The following DTNB variants were observed in gnomAD, a reference collection of about 807,000 sequenced individuals.
The protein encoded by DTNB is dystrobrevin beta.
A neutral mutation model predicts 90.7 loss-of-function variants in DTNB; 63 were observed. That is an observed-to-expected ratio of 0.69 (90% CI 0.57 to 0.86). The LOEUF (loss-of-function observed/expected upper bound fraction) is 0.86, where lower values mean the gene tolerates loss of function less well. Ranked by LOEUF, DTNB falls within the 40% of genes least tolerant of loss-of-function variation. The pLI, the probability that DTNB is intolerant of heterozygous loss-of-function variation, is 0.00. For synonymous variants in DTNB, 277 were observed against 286.7 expected (o/e 0.97, Z 0.34); for missense variants, 744 against 807.1 (o/e 0.92, Z 0.95).
In DTNB at chr2:25,536,073, G is replaced by A. The variant is rs1181668662; in HGVS notation, c.877-4476C>T. ...CTCCCCACTTCCTCCCAGACGGGGCGGCTGGGCCGAGGCGCTCCTCACTTC... is the reference window on the plus strand; with the variant it reads ...CTCCCCACTTCCTCCCAGACGGGGCAGCTGGGCCGAGGCGCTCCTCACTTC... On this transcript the variant is annotated intron_variant, in intron 8 of 20. Transcript: ENST00000406818. Among the ~76,000 whole-genome samples the A allele has an allele frequency of 1.2e-4, 18 of 148,164 alleles. 1 individual carries two copies. The highest frequency in any genetic ancestry group is 7.4e-4 in the Admixed American group (11 of 14,954).
At chr2:25,655,458 T>G (rs1230310190) in intron 1 of DTNB, among the ~76,000 whole-genome samples, 1 of 152,148 alleles carries the variant, frequency 6.6e-6, no homozygotes, top group East Asian at 1.9e-4. Flanking sequence ...TATGATGAGA[T>G]GTACTGGCAA....
intron 9 of DTNB, among the ~76,000 whole-genome samples, chr2:25,506,438 G>C (rs1335974696): frequency 2.0e-5 from 3 of 151,938 alleles, no homozygotes. Context: ...GTTTCATGGG[G>C]GTTTGTTGTA....
At chr2:25,613,498 A>T (rs2069241253) in intron 4 of DTNB, among the ~76,000 whole-genome samples, 1 of 152,120 alleles carries the variant, frequency 6.6e-6, no homozygotes, top group Non-Finnish European at 1.5e-5. Flanking sequence ...ACATGTCGGT[A>T]TTTGGTTTTC....
intron 4 of DTNB, among the ~76,000 whole-genome samples, chr2:25,621,215 T>A (rs1026210325): frequency 1.3e-5 from 2 of 152,206 alleles, no homozygotes; most frequent in Non-Finnish European, 2.9e-5. Flanking sequence ...ACAGTTTTGT[T>A]TAAAAATCAC....
chr2:25,451,487 C>A, intron 12 of DTNB, 61 bp downstream of exon 12: 5 of 1,517,284 alleles, frequency 3.3e-6, no homozygotes, highest in Non-Finnish European at 3.6e-6. Flanking sequence ...ATTCCCTTTC[C>A]ATTTGCATAT....
At chr2:25,391,737 TA>T (rs969539422) in intron 16 of DTNB, among the ~76,000 whole-genome samples, 8 of 152,128 alleles carry the variant, frequency 5.3e-5, no homozygotes, top group African/African-American at 1.9e-4. Context: ...CAGACGACAT[TA>T]GAATAAAATT....
At chr2:25,450,961 C>T (rs919806383) in intron 12 of DTNB, among the ~76,000 whole-genome samples, 1 of 152,142 alleles carries the variant, frequency 6.6e-6, no homozygotes, top group African/African-American at 2.4e-5. Flanking sequence ...CGTGCTACCA[C>T]ACCTGGCTAA....
At chr2:25,519,605 A>G (rs573975912) in intron 9 of DTNB, among the ~76,000 whole-genome samples, 1 of 152,236 alleles carries the variant, frequency 6.6e-6, no homozygotes, top group Non-Finnish European at 1.5e-5. Context: ...ACCCTGGTTG[A>G]CCATGCGAAT....
intron 3 of DTNB, among the ~76,000 whole-genome samples, chr2:25,636,290 T>C (rs545606657): frequency 6.1e-4 from 93 of 152,318 alleles, no homozygotes; most frequent in African/African-American, 2.2e-3. Flanking sequence ...AACATACATA[T>C]GGAAAAACTT....
intron 16 of DTNB, among the ~76,000 whole-genome samples, chr2:25,418,855 T>C (rs189623881): frequency 6.6e-6 from 1 of 152,350 alleles, no homozygotes; most frequent in East Asian, 1.9e-4. Context: ...GCTAATATTG[T>C]AGATAAGCCT....
At chr2:25,589,566 A>T (rs1291320605) in intron 6 of DTNB, among the ~76,000 whole-genome samples, 1 of 151,128 alleles carries the variant, frequency 6.6e-6, no homozygotes, top group East Asian at 1.9e-4. Flanking sequence ...TTTTTAGTAG[A>T]GACGAGGTTT....
At chr2:25,661,158 C>A (rs1354863203) in intron 1 of DTNB, among the ~76,000 whole-genome samples, 2 of 152,198 alleles carry the variant, frequency 1.3e-5, no homozygotes, top group East Asian at 1.9e-4. Flanking sequence ...CTCAAAATAT[C>A]TTTTAATCTC....
intron 8 of DTNB, among the ~76,000 whole-genome samples, chr2:25,574,260 T>A (rs1288251872): frequency 6.6e-6 from 1 of 152,168 alleles, no homozygotes; most frequent in Non-Finnish European, 1.5e-5. Flanking sequence ...CATAGATGTA[T>A]CCCAAATACC....
chr2:25,402,443 A>C (rs1266761304), intron 16 of DTNB, among the ~76,000 whole-genome samples: 2 of 152,152 alleles, frequency 1.3e-5, no homozygotes, highest in Admixed American at 1.3e-4. Context: ...TCTTTTATTT[A>C]TTCTTATTTT....
At chr2:25,626,306 G>T (rs921857823) in intron 4 of DTNB, among the ~76,000 whole-genome samples, 1 of 152,130 alleles carries the variant, frequency 6.6e-6, no homozygotes, top group Non-Finnish European at 1.5e-5. Flanking sequence ...TCATGATAAG[G>T]TGCTGCTTAC....
intron 19 of DTNB, 148 bp from the exon 20 acceptor site, chr2:25,379,471 G>GCT: frequency 9.8e-7 from 1 of 1,020,340 alleles, no homozygotes; most frequent in Non-Finnish European, 1.3e-6. Context: ...TTCCCACCCA[G>GCT]GTATGACAGC....
intron 16 of DTNB, among the ~76,000 whole-genome samples, chr2:25,391,376 T>C (rs751564962): frequency 3.9e-5 from 6 of 152,186 alleles, no homozygotes; most frequent in Non-Finnish European, 7.3e-5. Context: ...GATCTATATA[T>C]AAAATATATA....
intron 10 of DTNB, among the ~76,000 whole-genome samples, chr2:25,476,032 A>G (rs2063674388): frequency 6.6e-6 from 1 of 151,874 alleles, no homozygotes; most frequent in Non-Finnish European, 1.5e-5. Flanking sequence ...TGCTAACACA[A>G]CATCCATCCT....
intron 9 of DTNB, among the ~76,000 whole-genome samples, chr2:25,525,647 GA>G (rs920882321): frequency 8.7e-5 from 13 of 149,170 alleles, no homozygotes; most frequent in Non-Finnish European, 1.3e-4. Context: ...AAAAAAAAAA[GA>G]AAAAAAAATC....
Sources: gnomAD v4.1 joint callset for allele counts (sites outside exome capture counted in the v4.1 genomes callset) on GRCh38, gnomAD v4.1.1 for gene constraint, MANE v1.5 for transcripts, NCBI Gene and HGNC (gene_info 2026-07-23, HGNC 2026-07-21) for gene names.